The following PABIR3 variants were observed in gnomAD, a reference collection of about 807,000 sequenced individuals.
The protein encoded by PABIR3 is PABIR family member 3.
PABIR3 carries 20 observed loss-of-function variants against 23.1 expected under a neutral mutation model. The observed-to-expected ratio is 0.86, with a 90% CI of 0.61 to 1.26. The LOEUF (loss-of-function observed/expected upper bound fraction) is 1.26. Among genes scored for constraint, PABIR3 ranks in the 50% most tolerant of loss-of-function variants. The pLI, the probability that PABIR3 is intolerant of heterozygous loss-of-function variation, is 0.00. For synonymous variants in PABIR3, 69 were observed against 68.5 expected, an observed-to-expected ratio of 1.01 and a Z score of -0.04; for missense variants, 189 against 195.4, an observed-to-expected ratio of 0.97 and a Z score of 0.20.
chrX:134,837,083 C>T (rs933283968), intron 4 of PABIR3, among the ~76,000 whole-genome samples: 2 of 110,659 alleles, frequency 1.8e-5, no homozygotes, highest in Admixed American at 9.7e-5. Flanking sequence ...CGGTGGCTCA[C>T]GCCTGTAATC....
intron 3 of PABIR3, chrX:134,821,244 T>TAAAAAAAAA: frequency 1.8e-6 from 1 of 570,955 alleles, no homozygotes; most frequent in Non-Finnish European, 2.4e-6. Context: ...CCAAGCATTG[T>TAAAAAAAAA]AAAAAAAAAA....
chrX:134,810,935 G>A, intron 2 of PABIR3: 1 of 754,386 alleles, frequency 1.3e-6, no homozygotes, highest in Non-Finnish European at 1.6e-6. Context: ...CAAATGATCT[G>A]AGGGGATGTT....
At chrX:134,829,141 T>A in intron 3 of PABIR3, 85 bp from the exon 4 acceptor site, 1 of 774,745 alleles carries the variant, frequency 1.3e-6, no homozygotes, top group Non-Finnish European at 2.0e-6. Flanking sequence ...ATAAATATTT[T>A]AGGTAATTCA....
chrX:134,816,739 G>A (rs2081000034), intron 3 of PABIR3, among the ~76,000 whole-genome samples: 2 of 112,123 alleles, frequency 1.8e-5, no homozygotes, highest in Non-Finnish European at 3.8e-5. Flanking sequence ...GGTTTGTTGA[G>A]ATTTTCTATT....
At position 134,830,325 on chromosome X, in the gene PABIR3, C is replaced by CTTTTT. The variant is rs766717674; in HGVS notation, c.246+1064_246+1068dup. Among the ~76,000 whole-genome samples, 72 of 62,518 alleles carry CTTTTT rather than the reference C, an allele frequency of 1.2e-3. 2 individuals carry two copies. The highest frequency in any genetic ancestry group is 4.5e-3 in the African/African-American group (63 of 14,023). 54.3% of individuals were successfully genotyped at this position (62,518 alleles called of 115,157 possible). ...AAGTATGGTAAAAATGGTTTTTTTCCTTTTTTTTTTTTTTTTTTTTTTTTT... is the reference window on the plus strand; with the variant it reads ...AAGTATGGTAAAAATGGTTTTTTTCCTTTTTTTTTTTTTTTTTTTTTTTTTTTTTT... On this transcript the variant is annotated intron_variant, in intron 4 of 10. Transcript: ENST00000645433.
chrX:134,821,265 A>T (rs1037371508), intron 3 of PABIR3: 4 of 978,919 alleles, frequency 4.1e-6, no homozygotes, highest in Non-Finnish European at 5.3e-6. Flanking sequence ...AAAAAAAAAA[A>T]AACTGTTCCC....
chrX:134,809,746 G>A (rs1338409212), intron 2 of PABIR3: 1 of 721,870 alleles, frequency 1.4e-6, no homozygotes, highest in Non-Finnish European at 1.6e-6. Flanking sequence ...TAGTGGCAGA[G>A]CCAGTACTAG....
chrX:134,799,114 T>C (rs962104816), intron 1 of PABIR3, among the ~76,000 whole-genome samples: 4 of 112,272 alleles, frequency 3.6e-5, no homozygotes, highest in South Asian at 3.6e-4. Context: ...AAAGTTTTTT[T>C]TTTTACATTG....
intron 1 of PABIR3, chrX:134,797,223 C>T (rs2079908447): frequency 8.8e-6 from 1 of 113,904 alleles, no homozygotes; most frequent in Non-Finnish European, 1.9e-5. Context: ...CGTCCAGCGG[C>T]CACTCCAATG....
chrX:134,837,169 A>T (rs2082000776), intron 4 of PABIR3, among the ~76,000 whole-genome samples: 1 of 110,846 alleles, frequency 9.0e-6, no homozygotes, highest in African/African-American at 3.3e-5. Flanking sequence ...AACGTGAAGA[A>T]ACCCCATCTC....
intron 3 of PABIR3, chrX:134,821,627 A>T (rs925009186): frequency 2.0e-5 from 22 of 1,117,811 alleles, no homozygotes; most frequent in Non-Finnish European, 2.5e-5. Flanking sequence ...AGGCCTACTG[A>T]CATCTGTCTC....
At chrX:134,842,487 A>G (rs1300518276) in intron 4 of PABIR3, among the ~76,000 whole-genome samples, 1 of 111,268 alleles carries the variant, frequency 9.0e-6, no homozygotes, top group Non-Finnish European at 1.9e-5. Context: ...GGGCACCTGT[A>G]GTCCCAGCTA....
At chrX:134,828,176 G>A (rs938480024) in intron 3 of PABIR3, among the ~76,000 whole-genome samples, 3 of 107,126 alleles carry the variant, frequency 2.8e-5, no homozygotes, top group African/African-American at 6.8e-5. Context: ...TGAGCCTCCC[G>A]TGCCTGGCCT....
At chrX:134,798,037 T>TAA (rs1246354442) in intron 1 of PABIR3, among the ~76,000 whole-genome samples, 18 of 111,412 alleles carry the variant, frequency 1.6e-4, no homozygotes, top group African/African-American at 4.9e-4. Context: ...GCTAGGCTGG[T>TAA]CTCGAACTCC....
intron 9 of PABIR3, among the ~76,000 whole-genome samples, chrX:134,849,526 GAATA>G (rs1157779610): frequency 2.4e-4 from 27 of 111,503 alleles, no homozygotes; most frequent in African/African-American, 8.1e-4. Flanking sequence ...ACAATGTAGA[GAATA>G]AATGAATGAA....
At chrX:134,812,614 G>C (rs1213074993) in intron 2 of PABIR3, among the ~76,000 whole-genome samples, 1 of 111,323 alleles carries the variant, frequency 9.0e-6, no homozygotes, top group Non-Finnish European at 1.9e-5. Flanking sequence ...AGATAAGTGC[G>C]TAGGGAGCTA....
intron 3 of PABIR3, among the ~76,000 whole-genome samples, chrX:134,823,326 A>G (rs2081370373): frequency 8.9e-6 from 1 of 112,206 alleles, no homozygotes; most frequent in Admixed American, 9.5e-5. Flanking sequence ...ATTTCTATAG[A>G]AAGTATATGT....
chrX:134,838,049 A>G (rs1269724892), intron 4 of PABIR3, among the ~76,000 whole-genome samples: 4 of 111,755 alleles, frequency 3.6e-5, no homozygotes, highest in African/African-American at 9.7e-5. Flanking sequence ...TTAAGACTCA[A>G]AGCTCTCGAT....
At chrX:134,806,100 A>T (rs1264208247), upstream of PABIR3, among the ~76,000 whole-genome samples, 1 of 111,804 alleles carries the variant, frequency 8.9e-6, no homozygotes, top group East Asian at 2.8e-4. Flanking sequence ...AAAATTTCTA[A>T]AAGAGTAGTT....
Sources: allele counts gnomAD v4.1 joint callset (sites outside exome capture counted in the v4.1 genomes callset), GRCh38; gene constraint gnomAD v4.1.1; transcripts MANE v1.5; gene names NCBI Gene and HGNC (gene_info 2026-07-23, HGNC 2026-07-21).